Variants in KDM7A observed in about 807,000 individuals in gnomAD.
The protein encoded by KDM7A is lysine-specific demethylase 7A.
KDM7A carries 28 observed loss-of-function variants against 114.8 expected under a neutral mutation model. The observed-to-expected ratio is 0.24, with a 90% CI of 0.18 to 0.33. The LOEUF is 0.33. Among genes scored for constraint, KDM7A ranks in the 10% least tolerant of loss-of-function variants. The pLI, the probability that KDM7A is intolerant of heterozygous loss-of-function variation, is 1.00. For missense variants in KDM7A, 942 were observed against 1,142.5 expected, an observed-to-expected ratio of 0.82 and a Z score of 2.53; for synonymous variants, 423 against 397.8, an observed-to-expected ratio of 1.06 and a Z score of -0.75.
chr7:140,114,553 C>G (rs1175006515), intron 9 of KDM7A, among the ~76,000 whole-genome samples: 1 of 152,198 alleles, frequency 6.6e-6, no homozygotes, highest in East Asian at 1.9e-4. Flanking sequence ...CTTGGCCTCC[C>G]AAAGTGCCGA....
At chr7:140,133,152 G>A (rs1818816725) in intron 3 of KDM7A, among the ~76,000 whole-genome samples, 1 of 152,174 alleles carries the variant, frequency 6.6e-6, no homozygotes. Flanking sequence ...AAAAAGCAGA[G>A]TTGGGAAAAC....
Position 140,098,999 on chromosome 7 carries a change from A to G in KDM7A, c.1798T>C (p.Tyr600His), listed in dbSNP as rs1818159015. 2 of 1,613,148 alleles carry G rather than the reference A, an allele frequency of 1.2e-6. No homozygotes were observed. The highest frequency in any genetic ancestry group is 2.2e-5 in the East Asian group (1 of 44,856). Residue 600 changes from tyrosine to histidine, a missense_variant, in exon 14 of 20, where the codon TAT becomes CAT. Physicochemically the swap from Tyr to His is moderately conservative, Grantham distance 83 (BLOSUM62 2). Transcript: ENST00000397560. ...TCTTCATTTTCACTATCTGCTGTAT[A>G]AAGACTTTGATCTGCAAAGGGCTGC... ...ERQPFADQSL[Y>H]TADSENEEDK...
At chr7:140,098,486 T>C (rs1818151764) in intron 14 of KDM7A, among the ~76,000 whole-genome samples, 1 of 152,262 alleles carries the variant, frequency 6.6e-6, no homozygotes, top group Non-Finnish European at 1.5e-5. Flanking sequence ...TCAGATTAGC[T>C]AATCATATAT....
intron 15 of KDM7A, among the ~76,000 whole-genome samples, chr7:140,097,337 C>A (rs1218091154): frequency 1.3e-5 from 2 of 152,156 alleles, no homozygotes; most frequent in Non-Finnish European, 2.9e-5. Flanking sequence ...TCTACCCTTT[C>A]CAAAATCAGA....
rs1160504644 is a variant in KDM7A at position 140,129,550 on chromosome 7, G to C, written c.502C>G (p.Leu168Val). Residue 168 changes from leucine (L) to valine (V), a missense_variant, in exon 4 of 20, where the codon CTA becomes GTA. Transcript: ENST00000397560. ...VPIMVPKLDD[L>V]GLRLPSPTFS... ...GTAGGTGAAGGGAGCCTGAGTCCTA[G>C]ATCATCTAATTTTGGGACCATAATA... 3 of 1,613,070 alleles carry C rather than the reference G, an allele frequency of 1.9e-6. No individual in the cohort carries two copies. Among genetic ancestry groups the C allele is most frequent in the Non-Finnish European group, 1.7e-6 (2 of 1,179,244 alleles).
chr7:140,103,780 T>C (rs559584993), intron 11 of KDM7A, among the ~76,000 whole-genome samples: 94 of 152,336 alleles, frequency 6.2e-4, no homozygotes, highest in African/African-American at 2.2e-3. Context: ...TACGTGTGCA[T>C]GTGTCTTTAT....
At chr7:140,113,358 G>A (rs57593174) in intron 10 of KDM7A, 133 bp downstream of exon 10, 1 of 484,672 alleles carries the variant, frequency 2.1e-6, no homozygotes, top group Non-Finnish European at 3.7e-6. Flanking sequence ...ATAAAATGCA[G>A]GTTGTATATA....
At chr7:140,109,700 C>G (rs1050138838) in intron 11 of KDM7A, among the ~76,000 whole-genome samples, 1 of 152,182 alleles carries the variant, frequency 6.6e-6, no homozygotes, top group African/African-American at 2.4e-5. Flanking sequence ...TTACTGAATT[C>G]CTATCATGCA....
chr7:140,139,331 G>T (rs1794229993), intron 1 of KDM7A, 141 bp from the exon 2 acceptor site: 2 of 588,148 alleles, frequency 3.4e-6, no homozygotes, highest in East Asian at 2.8e-5. Context: ...CACATATAAA[G>T]ATAAATTTTA....
intron 12 of KDM7A, among the ~76,000 whole-genome samples, chr7:140,100,695 TATATATATATATAC>T (rs1818195220): frequency 2.7e-5 from 1 of 36,818 alleles, no homozygotes; most frequent in Admixed American, 3.2e-4. Context: ...TATACATATA[TATATATATATATAC>T]ACATATATAT....
intron 9 of KDM7A, among the ~76,000 whole-genome samples, chr7:140,117,419 T>C (rs1818548821): frequency 6.6e-6 from 1 of 151,834 alleles, no homozygotes; most frequent in African/African-American, 2.4e-5. Context: ...GAGCTTCTCT[T>C]AGACATTAGT....
chr7:140,097,113 C>G, intron 15 of KDM7A, 66 bp from the exon 16 acceptor site: 1 of 1,216,396 alleles, frequency 8.2e-7, no homozygotes, highest in South Asian at 1.5e-5. Flanking sequence ...CAAATGAATC[C>G]GAAAAGATTT....
chr7:140,094,368 G>A (rs181451135), intron 17 of KDM7A, among the ~76,000 whole-genome samples: 1 of 152,308 alleles, frequency 6.6e-6, no homozygotes, highest in Admixed American at 6.5e-5. Context: ...AGTTGGGTAT[G>A]GTGGCGGACG....
chr7:140,143,424 G>GA (rs1313069746), intron 1 of KDM7A, among the ~76,000 whole-genome samples: 1 of 152,004 alleles, frequency 6.6e-6, no homozygotes, highest in Non-Finnish European at 1.5e-5. Context: ...TATAATTATT[G>GA]ATTAAACTGT....
rs1411672712 is a variant in KDM7A at position 140,113,594 on chromosome 7, G to A, written c.1247-12C>T. 1 of 1,425,214 alleles carries A rather than the reference G, an allele frequency of 7.0e-7. No homozygotes were observed. Among genetic ancestry groups the A allele is most frequent in the East Asian group, 2.3e-5 (1 of 43,320 alleles). 88.3% of individuals were successfully genotyped at this position (1,425,214 alleles called of 1,614,324 possible). A position where few individuals can be genotyped will look rare whatever the true frequency, so the allele number is the denominator to read the frequency against. ...ATCTTCTCTCAGTTCTGTAGGAATG[G>A]AAATGGGGTGAGAAAAAAAAATAGT... On this transcript the variant is annotated splice_polypyrimidine_tract_variant and intron_variant, in intron 9 of 19. Coordinates refer to ENST00000397560, the MANE Select transcript of KDM7A (RefSeq NM_030647.2).
intron 14 of KDM7A, 96 bp downstream of exon 14, chr7:140,098,783 A>G (rs1818156120): frequency 2.1e-5 from 23 of 1,104,604 alleles, no homozygotes; most frequent in Non-Finnish European, 3.0e-5. Context: ...GTTTTCTGCT[A>G]TTTTAAACTT....
intron 1 of KDM7A, among the ~76,000 whole-genome samples, chr7:140,147,804 C>G (rs1437463852): frequency 5.9e-5 from 9 of 152,080 alleles, no homozygotes; most frequent in African/African-American, 1.9e-4. Context: ...TCCATGACAC[C>G]GGATAAACAC....
intron 18 of KDM7A, among the ~76,000 whole-genome samples, chr7:140,093,504 T>C (rs1818056952): frequency 2.0e-5 from 3 of 152,234 alleles, no homozygotes; most frequent in Admixed American, 1.3e-4. Context: ...TGATTCTTTC[T>C]TTGGCTGCCA....
In KDM7A at chr7:140,089,374, T is replaced by C. The variant is rs1254796273; in HGVS notation, c.*1720A>G. 1 of 152,200 alleles carries C rather than the reference T, an allele frequency of 6.6e-6. No individual in the cohort carries two copies. Among genetic ancestry groups the C allele is most frequent in the Non-Finnish European group, 1.5e-5 (1 of 68,032 alleles). 9.4% of individuals were successfully genotyped at this position (152,200 alleles called of 1,614,324 possible). On this transcript the variant is annotated 3_prime_UTR_variant, in exon 20 of 20. Coordinates refer to ENST00000397560, the MANE Select transcript of KDM7A (RefSeq NM_030647.2). ...ATGGGGACACAAGAAGTATTTCTCT[T>C]TGAAAATATACATTTGAATGCAACC...
Sources: allele counts gnomAD v4.1 joint callset (sites outside exome capture counted in the v4.1 genomes callset), GRCh38; gene constraint gnomAD v4.1.1; transcripts MANE v1.5; gene names NCBI Gene and HGNC (gene_info 2026-07-23, HGNC 2026-07-21).